MACROD1: variants seen among roughly 807,000 people sequenced by gnomAD.
MACROD1 encodes mono-ADP ribosylhydrolase 1, also known as ADP-ribose glycohydrolase MACROD1.
MACROD1 carries 31 observed loss-of-function variants against 41.4 expected under a neutral mutation model. That is an observed-to-expected ratio of 0.75 (90% confidence interval 0.56 to 1.01). The LOEUF (loss-of-function observed/expected upper bound fraction) is 1.01, where lower values mean the gene tolerates loss of function less well. Ranked by LOEUF, MACROD1 falls within the 50% of genes least tolerant of loss-of-function variation. The pLI is 0.00. For synonymous variants in MACROD1, 252 were observed against 203.4 expected (o/e 1.24, Z -2.03); for missense variants, 473 against 460.0 (o/e 1.03, Z -0.26).
intron 3 of MACROD1, among the ~76,000 whole-genome samples, chr11:64,059,284 A>C (rs531425871): frequency 7.2e-5 from 11 of 152,084 alleles, no homozygotes; most frequent in Non-Finnish European, 1.5e-4. Context: ...CCCTGTGAAG[A>C]GGGTCTTGCG....
At chr11:64,000,370 C>G (rs1363959122) in intron 4 of MACROD1, 27 bp from the exon 5 acceptor site, 1 of 1,480,338 alleles carries the variant, frequency 6.8e-7, no homozygotes, top group South Asian at 1.3e-5. Flanking sequence ...CGCGACTGAG[C>G]TGGCCTGGCA....
chr11:64,141,695 C>G (rs1020922105), intron 3 of MACROD1, among the ~76,000 whole-genome samples: 4 of 152,186 alleles, frequency 2.6e-5, no homozygotes, highest in African/African-American at 9.7e-5. Flanking sequence ...ACACCGGGGA[C>G]GCAAGCAGGG....
At chr11:64,147,642 C>T (rs758055358) in intron 3 of MACROD1, among the ~76,000 whole-genome samples, 6 of 151,804 alleles carry the variant, frequency 4.0e-5, no homozygotes, top group Non-Finnish European at 8.8e-5. Flanking sequence ...AGGCTAGTCT[C>T]GAAACTCCTG....
At chr11:64,085,449 C>T (rs980127294) in intron 3 of MACROD1, among the ~76,000 whole-genome samples, 3 of 152,234 alleles carry the variant, frequency 2.0e-5, no homozygotes, top group Admixed American at 6.5e-5. Context: ...GGCCCAACCA[C>T]GGGGCTGCCG....
intron 3 of MACROD1, among the ~76,000 whole-genome samples, chr11:64,133,942 G>C (rs571574468): frequency 6.8e-4 from 103 of 152,274 alleles, no homozygotes; most frequent in Non-Finnish European, 1.2e-3. Context: ...GACGGTCGGA[G>C]TCAGCCAAGG....
intron 5 of MACROD1, 132 bp from the exon 6 acceptor site, chr11:63,999,895 G>A (rs1590786261): frequency 9.2e-7 from 1 of 1,087,682 alleles, no homozygotes; most frequent in Non-Finnish European, 1.3e-6. Context: ...CTCCGCGAAG[G>A]CCCCCACCCC....
At chr11:64,108,313 C>CA (rs59331409) in intron 3 of MACROD1, among the ~76,000 whole-genome samples, 3,687 of 100,684 alleles carry the variant, frequency 0.037, 100 homozygotes, top group Middle Eastern at 0.089. Flanking sequence ...AACTCTGTCT[C>CA]AAAAAAAAAA....
At chr11:64,081,399 C>T (rs980929582) in intron 3 of MACROD1, among the ~76,000 whole-genome samples, 10 of 152,174 alleles carry the variant, frequency 6.6e-5, no homozygotes, top group East Asian at 3.9e-4. Context: ...TGCTCAGGGA[C>T]GTTACAACAG....
At chr11:64,052,090 T>A (rs959641360) in intron 3 of MACROD1, among the ~76,000 whole-genome samples, 1 of 151,504 alleles carries the variant, frequency 6.6e-6, no homozygotes, top group South Asian at 2.1e-4. Context: ...TTGGAGCAAA[T>A]CCCTTGGAGG....
At position 64,064,734 on chromosome 11, in the gene MACROD1, C is replaced by T. The variant is rs542928261; in HGVS notation, c.518-49453G>A. 6.6e-6 allele frequency among the ~76,000 whole-genome samples: 1 copy of T among 151,124 alleles called. No individual in the cohort carries two copies. Among genetic ancestry groups the T allele is most frequent in the Non-Finnish European group, 1.5e-5 (1 of 67,676 alleles). On this transcript the variant is annotated intron_variant, in intron 3 of 10. Transcript: ENST00000255681. This position sits in a 1 kb window ranked among gnomAD's most constrained non-coding sequence, Gnocchi z 4.5. ...TCCTCTCCCCTCCCTGCCAGCCCCC[C>T]AGCAGGCAGCCAGGCCTGGACCCAC...
At chr11:64,017,774 A>G (rs1943101076) in intron 3 of MACROD1, among the ~76,000 whole-genome samples, 1 of 149,954 alleles carries the variant, frequency 6.7e-6, no homozygotes, top group Non-Finnish European at 1.5e-5. Flanking sequence ...CCTCCTCGGG[A>G]CCCCCCCACC....
At chr11:64,014,678 G>A (rs959643454) in intron 4 of MACROD1, among the ~76,000 whole-genome samples, 16 of 152,290 alleles carry the variant, frequency 1.1e-4, no homozygotes, top group Non-Finnish European at 2.1e-4. Flanking sequence ...GGACACGCCC[G>A]CTTGGTATCT....
intron 1 of MACROD1, among the ~76,000 whole-genome samples, chr11:64,161,776 A>T (rs1463632660): frequency 6.6e-6 from 1 of 151,258 alleles, no homozygotes; most frequent in African/African-American, 2.4e-5. Context: ...TCTACAATAA[A>T]GGTTTTAAAA....
At chr11:64,165,133 C>G (rs1945818150) in intron 1 of MACROD1, among the ~76,000 whole-genome samples, 1 of 152,194 alleles carries the variant, frequency 6.6e-6, no homozygotes, top group South Asian at 2.1e-4. Flanking sequence ...AGAGTGCGGG[C>G]TTGGGGTGGG....
chr11:64,000,244 T>C lies in MACROD1; in HGVS notation c.647A>G (p.Tyr216Cys). 1 of 1,606,416 alleles carries C rather than the reference T, an allele frequency of 6.2e-7. No individual in the cohort carries two copies. Among genetic ancestry groups the C allele is most frequent in the South Asian group, 1.1e-5 (1 of 89,786 alleles). The change falls in exon 5 of 11, where the codon TAT becomes TGT. Residue 216 changes from tyrosine (Y) to cysteine (C), a missense_variant. Transcript: ENST00000255681. Reference protein sequence around the residue: ...KTGKAKITGGYRLPAKYVIHT... With the variant: ...KTGKAKITGGCRLPAKYVIHT... ...GGACTCACACTTGGCCGGGAGCCGA[T>C]AGCCGCCGGTGATCTTGGCCTTGCC...
intron 3 of MACROD1, among the ~76,000 whole-genome samples, chr11:64,145,293 G>A (rs978371026): frequency 2.0e-5 from 3 of 152,270 alleles, no homozygotes; most frequent in South Asian, 2.1e-4. Flanking sequence ...TAGCTGACCC[G>A]CCTCGCCTCC....
At chr11:64,117,593 C>G in intron 3 of MACROD1, 1 of 1,612,932 alleles carries the variant, frequency 6.2e-7, no homozygotes, top group African/African-American at 1.3e-5. Context: ...TGGCCATCCA[C>G]GTGAAGGCCC....
intron 3 of MACROD1, among the ~76,000 whole-genome samples, chr11:64,019,575 C>T (rs1417584792): frequency 1.3e-5 from 2 of 152,156 alleles, no homozygotes; most frequent in Non-Finnish European, 2.9e-5. Context: ...ACAGGAGGCC[C>T]GAGGCACAGG....
intron 3 of MACROD1, among the ~76,000 whole-genome samples, chr11:64,148,364 T>A (rs994592189): frequency 6.6e-6 from 1 of 152,122 alleles, no homozygotes; most frequent in African/African-American, 2.4e-5. Flanking sequence ...CCCTCCCATA[T>A]GGCAGCAGGA....
Sources: gnomAD v4.1 joint callset for allele counts (sites outside exome capture counted in the v4.1 genomes callset) on GRCh38, gnomAD v4.1.1 for gene constraint, Gnocchi (gnomAD v3.1) non-coding constraint, MANE v1.5 for transcripts, NCBI Gene and HGNC (gene_info 2026-07-23, HGNC 2026-07-21) for gene names.